The following ZBTB7C variants were observed in gnomAD, a reference collection of about 807,000 sequenced individuals.
The protein encoded by ZBTB7C is zinc finger and BTB domain-containing protein 7C.
A neutral mutation model predicts 25.7 loss-of-function variants in ZBTB7C; 8 were observed. The ratio of observed to expected loss-of-function variants is 0.31; its 90% confidence interval spans 0.18 to 0.56. ZBTB7C has a LOEUF of 0.56. Among genes scored for constraint, ZBTB7C ranks in the 20% least tolerant of loss-of-function variants. The probability of loss-of-function intolerance (pLI) is 0.91; values close to 1 mark genes in which losing one functional copy is unlikely to be tolerated. For synonymous variants in ZBTB7C, 394 were observed against 369.0 expected (o/e 1.07, Z -0.78); for missense variants, 824 against 855.2 (o/e 0.96, Z 0.46).
chr18:48,230,417 T>C (rs1181518499), intron 2 of ZBTB7C, among the ~76,000 whole-genome samples: 1 of 151,780 alleles, frequency 6.6e-6, no homozygotes, highest in Non-Finnish European at 1.5e-5. Context: ...AATCCCTGTG[T>C]ATTCCTTTTC....
intron 2 of ZBTB7C, among the ~76,000 whole-genome samples, chr18:48,216,648 A>G (rs373395990): frequency 5.3e-5 from 8 of 151,730 alleles, no homozygotes; most frequent in Admixed American, 2.0e-4. Context: ...CCCCCTGACA[A>G]CTTCTCATCA....
chr18:48,264,825 GC>G (rs751691368), intron 2 of ZBTB7C, among the ~76,000 whole-genome samples: 1 of 152,182 alleles, frequency 6.6e-6, no homozygotes, highest in African/African-American at 2.4e-5. Context: ...CCTTCACAGG[GC>G]ACTTTGCAAA....
At chr18:48,287,980 T>C (rs2045107291) in intron 2 of ZBTB7C, among the ~76,000 whole-genome samples, 1 of 152,192 alleles carries the variant, frequency 6.6e-6, no homozygotes, top group Admixed American at 6.5e-5. Context: ...GGAAGCATTC[T>C]CTTTAACATC....
At chr18:48,391,127 T>C (rs1049054889) in intron 1 of ZBTB7C, among the ~76,000 whole-genome samples, 2 of 152,196 alleles carry the variant, frequency 1.3e-5, no homozygotes, top group African/African-American at 2.4e-5. Context: ...CCAACACTGG[T>C]GCTCCACTCC....
intron 2 of ZBTB7C, among the ~76,000 whole-genome samples, chr18:48,264,663 T>C (rs568038151): frequency 2.1e-5 from 3 of 143,074 alleles, no homozygotes; most frequent in East Asian, 3.9e-4. Flanking sequence ...AACAGCCTCC[T>C]TGACATCACC....
intron 2 of ZBTB7C, among the ~76,000 whole-genome samples, chr18:48,334,357 C>T (rs1409059262): frequency 6.6e-6 from 1 of 152,148 alleles, no homozygotes; most frequent in African/African-American, 2.4e-5. Flanking sequence ...CTAGGGGGAG[C>T]ACCTCATGGG....
intron 1 of ZBTB7C, among the ~76,000 whole-genome samples, chr18:48,394,382 T>A (rs2047971989): frequency 6.6e-6 from 1 of 152,182 alleles, no homozygotes. Context: ...CTTTGCCTCA[T>A]TCACAGCGCT....
intron 2 of ZBTB7C, among the ~76,000 whole-genome samples, chr18:48,311,740 G>T (rs935099250): frequency 1.3e-5 from 2 of 152,162 alleles, no homozygotes; most frequent in African/African-American, 4.8e-5. Flanking sequence ...GGTCCCAAGG[G>T]CATGCATGGC....
chr18:48,113,830 G>A lies in ZBTB7C; in HGVS notation c.-17+72104C>T, dbSNP rs1206161299. Among the ~76,000 whole-genome samples the A allele has an allele frequency of 3.3e-5, 5 of 152,342 alleles. No individual in the cohort carries two copies. The South Asian group carries it at 1.0e-3, about 32-fold the overall frequency. On this transcript the variant is annotated intron_variant, in intron 3 of 4. Transcript: ENST00000590800. ...ACGCCTGTCCCACCATCGGCAGGGT[G>A]CACTCCAGGAAGCAGGCTACACACT...
At chr18:48,055,464 G>A (rs1340422766) in intron 3 of ZBTB7C, among the ~76,000 whole-genome samples, 1 of 150,644 alleles carries the variant, frequency 6.6e-6, no homozygotes, top group Non-Finnish European at 1.5e-5. Flanking sequence ...GCTACAATCA[G>A]GAATATGGAA....
At chr18:48,079,569 C>A (rs1195115768) in intron 3 of ZBTB7C, among the ~76,000 whole-genome samples, 1 of 152,198 alleles carries the variant, frequency 6.6e-6, no homozygotes, top group Non-Finnish European at 1.5e-5. Flanking sequence ...CTCCTGGCTA[C>A]ATCAGCACCT....
chr18:48,285,598 T>G (rs1223083720), intron 2 of ZBTB7C, among the ~76,000 whole-genome samples: 1 of 152,216 alleles, frequency 6.6e-6, no homozygotes, highest in African/African-American at 2.4e-5. Context: ...GCAATCCTCC[T>G]GCCTCGTCCT....
In ZBTB7C at chr18:48,040,568, G is replaced by C. The variant is rs745908096; in HGVS notation, c.540C>G (p.Pro180=). The C allele has an allele frequency of 1.3e-5, 21 of 1,613,880 alleles. No individual in the cohort carries two copies. The highest frequency in any genetic ancestry group is 1.2e-5 in the Non-Finnish European group (14 of 1,179,970). ...DFADQENLPD[P]QDISCHQSPS... ...GGCTTTGGTGGCAGCTGATGTCCTG[G>C]GGGTCAGGCAAGTTTTCTTGGTCAG... Residue 180 remains proline (P), a synonymous_variant, in exon 4 of 5, where the codon CCC becomes CCG. Coordinates refer to ENST00000590800, the MANE Select transcript of ZBTB7C (RefSeq NM_001318841.2).
At chr18:48,086,490 C>G (rs59223825) in intron 3 of ZBTB7C, among the ~76,000 whole-genome samples, 1 of 152,034 alleles carries the variant, frequency 6.6e-6, no homozygotes, top group Admixed American at 6.5e-5. Flanking sequence ...CCTAACACCC[C>G]GTGTATGGTC....
intron 1 of ZBTB7C, among the ~76,000 whole-genome samples, chr18:48,338,628 C>T (rs1055595435): frequency 4.6e-5 from 7 of 152,164 alleles, no homozygotes; most frequent in African/African-American, 1.7e-4. Flanking sequence ...CACACATGCA[C>T]ACACACGCCC....
chr18:48,365,694 C>T (rs2047206747), intron 1 of ZBTB7C, among the ~76,000 whole-genome samples: 1 of 151,610 alleles, frequency 6.6e-6, no homozygotes, highest in South Asian at 2.1e-4. Flanking sequence ...GACTCCTAGC[C>T]CACAGAAAAA....
chr18:48,230,555 ATAATTGGTGCTCAGCTCAGGT>A, intron 2 of ZBTB7C, among the ~76,000 whole-genome samples: 1 of 152,326 alleles, frequency 6.6e-6, no homozygotes, highest in South Asian at 2.1e-4. Context: ...ATTTTTGGCC[ATAATTGGTGCTCAGCTCAGGT>A]TTGTTGAAGA....
At chr18:48,168,869 C>G (rs1168216977) in intron 3 of ZBTB7C, among the ~76,000 whole-genome samples, 1 of 152,210 alleles carries the variant, frequency 6.6e-6, no homozygotes, top group Non-Finnish European at 1.5e-5. Context: ...GAACACTTAT[C>G]ACACCTTTCT....
chr18:48,186,503 C>T (rs1465297633), intron 2 of ZBTB7C, among the ~76,000 whole-genome samples: 6 of 152,224 alleles, frequency 3.9e-5, no homozygotes, highest in Admixed American at 2.6e-4. Context: ...CAAGAGCTGA[C>T]ACAAACCAAC....
Sources: gnomAD v4.1 joint callset for allele counts (sites outside exome capture counted in the v4.1 genomes callset) on GRCh38, gnomAD v4.1.1 for gene constraint, MANE v1.5 for transcripts, NCBI Gene and HGNC (gene_info 2026-07-23, HGNC 2026-07-21) for gene names.